FBXL18: variants seen among roughly 807,000 people sequenced by gnomAD.
FBXL18 encodes the protein F-box/LRR-repeat protein 18.
Under a neutral mutation model 46.0 loss-of-function variants are expected in FBXL18, and 36 were observed. The ratio of observed to expected loss-of-function variants is 0.78; its 90% CI spans 0.60 to 1.03. FBXL18 has a LOEUF of 1.03. Among genes scored for constraint, FBXL18 ranks in the 50% least tolerant of loss-of-function variants. The probability of loss-of-function intolerance (pLI) is 0.00; values close to 1 mark genes in which losing one functional copy is unlikely to be tolerated. For synonymous variants in FBXL18, 557 were observed against 465.3 expected (o/e 1.20, Z -2.54); for missense variants, 977 against 1,004.1 (o/e 0.97, Z 0.36).
At chr7:5,462,333 C>T (rs1053631352) in intron 4 of FBXL18, among the ~76,000 whole-genome samples, 13 of 152,168 alleles carry the variant, frequency 8.5e-5, no homozygotes, top group African/African-American at 3.1e-4. Flanking sequence ...ATTCACTTGC[C>T]CGAGGCCGGT....
chr7:5,462,715 G>A (rs577709030), intron 4 of FBXL18, among the ~76,000 whole-genome samples: 3 of 151,666 alleles, frequency 2.0e-5, no homozygotes, highest in Non-Finnish European at 2.9e-5. Flanking sequence ...ACTTTGGGAG[G>A]CCGAGGCGGA....
At chr7:5,485,983 C>T (rs1270410573) in intron 4 of FBXL18, among the ~76,000 whole-genome samples, 1 of 151,516 alleles carries the variant, frequency 6.6e-6, no homozygotes, top group African/African-American at 2.4e-5. Context: ...TGCTTGAGCC[C>T]AGGAAGCGGA....
At chr7:5,471,235 T>TC (rs969186215), downstream of FBXL18, among the ~76,000 whole-genome samples, 1 of 152,134 alleles carries the variant, frequency 6.6e-6, no homozygotes, top group African/African-American at 2.4e-5. Context: ...AGCTGGCTCT[T>TC]CCGCCCTCCT....
At chr7:5,471,667 C>T (rs528225253), downstream of FBXL18, among the ~76,000 whole-genome samples, 125 of 152,332 alleles carry the variant, frequency 8.2e-4, 1 homozygote, top group South Asian at 2.5e-3. Flanking sequence ...TCCTCGGCCT[C>T]CCAAAGTGCT....
chr7:5,487,324 T>G (rs147736355), intron 4 of FBXL18, among the ~76,000 whole-genome samples: 5,783 of 152,284 alleles, frequency 0.038, 150 homozygotes, highest in Middle Eastern at 0.071. Context: ...TTTGGGGTGG[T>G]ATCTGACTGC....
In FBXL18 at chr7:5,501,232, G is replaced by C; in HGVS notation, c.1037C>G (p.Ala346Gly). ...INGGKDLRSL[A>G]SLNLSGCVHC... ...GACGCAGCCGCTGAGGTTCAAGCTG[G>C]CCAGGCTCCGCAGGTCCTTCCCGCC... Residue 346 changes from alanine (A) to glycine (G), a missense_variant, in exon 3 of 5, where the codon GCC becomes GGC. Transcript: ENST00000382368. 6.2e-7 allele frequency: 1 copy of C among 1,613,238 alleles called. No homozygotes were observed. The highest frequency in any genetic ancestry group is 1.1e-5 in the South Asian group (1 of 91,044).
In FBXL18 at chr7:5,501,301, C is replaced by T. The variant is rs777188334; in HGVS notation, c.968G>A (p.Arg323His). The change falls in exon 3 of 5, where the codon CGC (arginine) becomes CAC (histidine). Residue 323 changes from arginine to histidine, a missense_variant. Transcript: ENST00000382368. ...CAGATGGCCGCCTGACAGGGTACAG[C>T]GGCTGAAACTGAAGTAGAACGGGTT... ...FNNPFYFSFS[R>H]CTLSGGHLIQ... 6.2e-7 allele frequency: 1 copy of T among 1,614,146 alleles called. No homozygotes were observed. Among genetic ancestry groups the T allele is most frequent in the South Asian group, 1.1e-5 (1 of 91,086 alleles).
At chr7:5,510,491 G>A (rs1371590401) in intron 1 of FBXL18, among the ~76,000 whole-genome samples, 1 of 151,768 alleles carries the variant, frequency 6.6e-6, no homozygotes. Context: ...AGACCAGCCT[G>A]ACCAACACGG....
chr7:5,489,317 T>C, intron 4 of FBXL18: 1 of 518,944 alleles, frequency 1.9e-6, no homozygotes, highest in South Asian at 1.4e-5. Context: ...CAGCATTCAC[T>C]GTTGGGAAAC....
intron 1 of FBXL18, among the ~76,000 whole-genome samples, chr7:5,511,435 T>C (rs550888154): frequency 6.6e-6 from 1 of 150,972 alleles, no homozygotes; most frequent in African/African-American, 2.5e-5. Context: ...AAAAAAAAAA[T>C]GTATTTTTTT....
At chr7:5,466,656 C>G (rs1278613121) in intron 4 of FBXL18, among the ~76,000 whole-genome samples, 1 of 152,228 alleles carries the variant, frequency 6.6e-6, no homozygotes, top group Non-Finnish European at 1.5e-5. Context: ...AACCCGCAAT[C>G]ATGGGATCTG....
chr7:5,488,304 C>A (rs1194086280), intron 4 of FBXL18, among the ~76,000 whole-genome samples: 1 of 152,302 alleles, frequency 6.6e-6, no homozygotes, highest in Admixed American at 6.5e-5. Context: ...TCCGGTGCCA[C>A]GTCCAACCGA....
rs560947191 is a variant in FBXL18 at position 5,500,850 on chromosome 7, G to A, written c.1419C>T (p.Ser473=). The change falls in exon 3 of 5, where the codon TCC becomes TCT. Residue 473 remains serine (S), a synonymous_variant. Transcript: ENST00000382368. ...GGTTCTTCAGCAGAGACCAGAACAC[G>A]GAGGAGGGCTGGGGGCACGCCTGGC... ...FSGQACPQPS[S]VFWSLLKNLP... The A allele has an allele frequency of 1.2e-6, 2 of 1,609,200 alleles. No individual in the cohort carries two copies. The highest frequency in any genetic ancestry group is 2.2e-5 in the East Asian group (1 of 44,808).
Position 5,501,771 on chromosome 7 carries a change from G to C in FBXL18, c.498C>G (p.Cys166Trp). Residue 166 changes from cysteine to tryptophan, a missense_variant, in exon 3 of 5, where the codon TGC becomes TGG. By Grantham distance (215) the Cys-to-Trp change is radical. Coordinates refer to ENST00000382368, the MANE Select transcript of FBXL18 (RefSeq NM_024963.6). ...CCCGCACGCGGCTCAGGGTGGCCTT[G>C]CACTCGCTGCTCAGCTGGCTGGCGT... The part of the protein sequence containing the change: ...GFDASQLSSE[C>W]KATLSRVREL... 1 of 1,559,780 alleles carries C rather than the reference G, an allele frequency of 6.4e-7. No homozygotes were observed.
chr7:5,474,841 G>A (rs562006664), downstream of FBXL18, among the ~76,000 whole-genome samples: 7 of 150,834 alleles, frequency 4.6e-5, no homozygotes, highest in South Asian at 2.1e-4. Flanking sequence ...CCGAGCAGCT[G>A]GGACTACAGG....
Position 5,496,747 on chromosome 7 carries a change from C to T in FBXL18, c.1781+3741G>A, listed in dbSNP as rs181413937. ...AAATACAAAAAACTAGCCAGGCGGC[C>T]GGGCACAGTGGCTTACGCCTGTAAT... On this transcript the variant is annotated intron_variant, in intron 3 of 4. Transcript: ENST00000382368. The surrounding 1 kb of genome is among the most constrained non-coding windows in gnomAD (Gnocchi z 4.8). 2.0e-5 allele frequency among the ~76,000 whole-genome samples: 3 copies of T among 152,278 alleles called. No individual in the cohort carries two copies. Among genetic ancestry groups the T allele is most frequent in the Admixed American group, 6.5e-5 (1 of 15,292 alleles).
chr7:5,501,557 C>A lies in FBXL18; in HGVS notation c.712G>T (p.Ala238Ser), dbSNP rs766346057. The A allele has an allele frequency of 6.2e-7, 1 of 1,613,816 alleles. No homozygotes were observed. The highest frequency in any genetic ancestry group is 1.1e-5 in the South Asian group (1 of 91,078). Residue 238 changes from alanine to serine, a missense_variant, in exon 3 of 5, where the codon GCC (alanine) becomes TCC (serine). Ala to Ser is a moderately conservative substitution (Grantham distance 99). Transcript: ENST00000382368. ...QNLRVFYARL[A>S]PGYINQEVVR... is the part of the protein sequence containing the mutation. ...ACCTCCTGGTTGATGTAGCCGGGGG[C>A]CAGGCGCGCATAGAAGACCCGCAGG...
At chr7:5,503,827 TGTG>T (rs1784326998) in intron 2 of FBXL18, among the ~76,000 whole-genome samples, 1 of 151,304 alleles carries the variant, frequency 6.6e-6, no homozygotes, top group Non-Finnish European at 1.5e-5. Flanking sequence ...ATTAGCCAGA[TGTG>T]GTGGCAGGCG....
chr7:5,461,476 C>T (rs140114189), intron 4 of FBXL18, among the ~76,000 whole-genome samples: 1 of 152,166 alleles, frequency 6.6e-6, no homozygotes, highest in Non-Finnish European at 1.5e-5. Flanking sequence ...TTACAAGACG[C>T]CATCCCTACA....
Sources: allele counts gnomAD v4.1 joint callset (sites outside exome capture counted in the v4.1 genomes callset), GRCh38; gene constraint gnomAD v4.1.1; non-coding constraint Gnocchi (gnomAD v3.1); transcripts MANE v1.5; gene names NCBI Gene and HGNC (gene_info 2026-07-23, HGNC 2026-07-21).